Variants in TSEN34 observed in about 807,000 individuals in gnomAD.
TSEN34 encodes tRNA-splicing endonuclease subunit Sen34.
In TSEN34, 25 loss-of-function variants were observed where a neutral mutation model predicts 30.2. The observed-to-expected ratio is 0.83, with a 90% confidence interval of 0.60 to 1.16. TSEN34 has a LOEUF of 1.16. Among genes scored for constraint, TSEN34 ranks in the 50% most tolerant of loss-of-function variants. The pLI is 0.00. For synonymous variants in TSEN34, 209 were observed against 177.4 expected, an observed-to-expected ratio of 1.18 and a Z score of -1.41; for missense variants, 475 against 411.9, an observed-to-expected ratio of 1.15 and a Z score of -1.33.
In TSEN34 at chr19:54,193,557, A is replaced by G; in HGVS notation, c.*195A>G. 6 of 1,531,128 alleles carry G rather than the reference A, an allele frequency of 3.9e-6. No individual in the cohort carries two copies. Among genetic ancestry groups the G allele is most frequent in the Non-Finnish European group, 5.3e-6 (6 of 1,142,226 alleles). 94.8% of individuals were successfully genotyped at this position (1,531,128 alleles called of 1,614,324 possible). ...ACTTATTGGCTGTGTTTTTGTAGTT[A>G]CCTATTTTCACACTGTGAGCTTCCC... On this transcript the variant is annotated 3_prime_UTR_variant, in exon 4 of 4. Coordinates refer to ENST00000396388, the MANE Select transcript of TSEN34 (RefSeq NM_001077446.4).
intron 3 of TSEN34, 23 bp downstream of exon 3, chr19:54,192,396 G>A: frequency 6.2e-7 from 1 of 1,613,806 alleles, no homozygotes; most frequent in Non-Finnish European, 8.5e-7. Flanking sequence ...TGGGGCCTCT[G>A]GTTGCTGTGC....
Position 54,191,874 on chromosome 19 carries a change from G to C in TSEN34, c.397G>C (p.Ala133Pro), listed in dbSNP as rs767815202. The C allele has an allele frequency of 2.5e-5, 40 of 1,614,016 alleles. No individual in the cohort carries two copies. The Middle Eastern group carries it at 6.6e-4, about 27-fold the overall frequency. The part of the protein sequence containing the change: ...KKQKLEQASG[A>P]SSSQEAGSSQ... ...GCAGAAACTAGAACAGGCTTCAGGG[G>C]CCAGCTCAAGCCAGGAGGCCGGCTC... is the stretch of plus-strand genomic sequence containing the variant. Residue 133 changes from alanine (A) to proline (P), a missense_variant, in exon 2 of 4, where the codon GCC (alanine) becomes CCC (proline). Transcript: ENST00000396388.
Position 54,193,255 on chromosome 19 carries a change from G to C in TSEN34, c.826G>C (p.Ala276Pro). 2 of 1,614,108 alleles carry C rather than the reference G, an allele frequency of 1.2e-6. No homozygotes were observed. Among genetic ancestry groups the C allele is most frequent in the Non-Finnish European group, 1.7e-6 (2 of 1,180,020 alleles). ...EDTIPLQDLV[A>P]AGRLGTSVRK... ...CACCATCCCACTCCAAGACCTGGTTGCTGCTGGGCGCCTTGGAACCAGCGT... is the reference window on the plus strand; with the variant it reads ...CACCATCCCACTCCAAGACCTGGTTCCTGCTGGGCGCCTTGGAACCAGCGT... The change falls in exon 4 of 4, where the codon GCT becomes CCT. Residue 276 changes from alanine to proline, a missense_variant. By Grantham distance (27) the Ala-to-Pro change is conservative (BLOSUM62 -1). Coordinates refer to ENST00000396388, the MANE Select transcript of TSEN34 (RefSeq NM_001077446.4).
chr19:54,192,071 T>G, intron 2 of TSEN34, 45 bp from the exon 3 acceptor site: 3 of 1,614,006 alleles, frequency 1.9e-6, no homozygotes, highest in Non-Finnish European at 2.5e-6. Flanking sequence ...GTGAGAAGAC[T>G]TTACCCCTTG....
Position 54,191,612 on chromosome 19 carries a change from G to A in TSEN34, c.243+5G>A, listed in dbSNP as rs780172574. On this transcript the variant is annotated splice_donor_5th_base_variant and intron_variant, in intron 1 of 3. Coordinates refer to ENST00000396388, the MANE Select transcript of TSEN34 (RefSeq NM_001077446.4). ...GACTCTCGGCACCACAGCCTGGTAA[G>A]GGGGCGGGGCTCGAACTCGGGTTCG... 1 of 1,604,596 alleles carries A rather than the reference G, an allele frequency of 6.2e-7. No individual in the cohort carries two copies. The highest frequency in any genetic ancestry group is 8.5e-7 in the Non-Finnish European group (1 of 1,179,290).
In TSEN34 at chr19:54,191,894, C is replaced by T. The variant is rs1393344228; in HGVS notation, c.417C>T (p.Ala139=). 1 of 1,614,032 alleles carries T rather than the reference C, an allele frequency of 6.2e-7. No homozygotes were observed. Among genetic ancestry groups the T allele is most frequent in the East Asian group, 2.2e-5 (1 of 44,878 alleles). ...QASGASSSQE[A]GSSQAAKEDE... Reference sequence around the variant, plus strand: ...CAGGGGCCAGCTCAAGCCAGGAGGCCGGCTCGAGCCAGGCTGCCAAAGAGG... The same window carrying T: ...CAGGGGCCAGCTCAAGCCAGGAGGCTGGCTCGAGCCAGGCTGCCAAAGAGG... Residue 139 remains alanine, a synonymous_variant, in exon 2 of 4, where the codon GCC becomes GCT. Transcript: ENST00000396388.
chr19:54,190,756 C>T (rs946219809), upstream of TSEN34: 130 of 1,175,360 alleles, frequency 1.1e-4, no homozygotes, highest in African/African-American at 1.4e-3. Flanking sequence ...GCCGAACTTC[C>T]TGTGCTCGGG....
At position 54,193,372 on chromosome 19, in the gene TSEN34, A is replaced by G; in HGVS notation, c.*10A>G. The G allele has an allele frequency of 6.2e-7, 1 of 1,614,068 alleles. No homozygotes were observed. Among genetic ancestry groups the G allele is most frequent in the Non-Finnish European group, 8.5e-7 (1 of 1,180,006 alleles). ...GGCCAGCCTGCAGTGAACTCCAGAGACCTAGGGGATGTGGCTGTGTCGGCA... is the reference window on the plus strand; with the variant it reads ...GGCCAGCCTGCAGTGAACTCCAGAGGCCTAGGGGATGTGGCTGTGTCGGCA... On this transcript the variant is annotated 3_prime_UTR_variant, in exon 4 of 4. Transcript: ENST00000396388.
upstream of TSEN34, chr19:54,190,120 A>C (rs2076607416): frequency 3.7e-6 from 2 of 546,968 alleles, no homozygotes; most frequent in Admixed American, 3.6e-5. Flanking sequence ...CAGGATGACG[A>C]TCCTCAAGTT....
At chr19:54,190,914 C>T, upstream of TSEN34, 2 of 1,049,634 alleles carry the variant, frequency 1.9e-6, no homozygotes, top group Non-Finnish European at 2.3e-6. Flanking sequence ...AGCTTCTGAC[C>T]GCTGACGGGA....
At position 54,192,241 on chromosome 19, in the gene TSEN34, C is replaced by A. The variant is rs766971084; in HGVS notation, c.613C>A (p.Gln205Lys). Reference protein sequence around the residue: ...VKARPLDWRVQSKDWPHAGRP... With the variant: ...VKARPLDWRVKSKDWPHAGRP... ...GGCCAGGCCCCTGGACTGGCGTGTC[C>A]AGTCTAAAGACTGGCCCCACGCCGG... Residue 205 changes from glutamine (Q) to lysine (K), a missense_variant, in exon 3 of 4, where the codon CAG becomes AAG. Transcript: ENST00000396388. 1.2e-6 allele frequency: 2 copies of A among 1,613,958 alleles called. No individual in the cohort carries two copies. Among genetic ancestry groups the A allele is most frequent in the East Asian group, 2.2e-5 (1 of 44,874 alleles).
In TSEN34 at chr19:54,194,365, A is replaced by G. The variant is rs1314589262; in HGVS notation, c.*1003A>G. The G allele has an allele frequency of 6.6e-6, 1 of 151,920 alleles. No individual in the cohort carries two copies. Among genetic ancestry groups the G allele is most frequent in the East Asian group, 1.9e-4 (1 of 5,184 alleles). 9.4% of individuals were successfully genotyped at this position (151,920 alleles called of 1,614,324 possible). On this transcript the variant is annotated 3_prime_UTR_variant, in exon 4 of 4. Transcript: ENST00000396388. ...TGAATTTTTTTGATACTGTATATTT[A>G]TATTTTAGACTCTTTTTTGGATGTG...
chr19:54,193,465 G>A lies in TSEN34; in HGVS notation c.*103G>A, dbSNP rs1446186140. 2.6e-5 allele frequency: 41 copies of A among 1,569,250 alleles called. No homozygotes were observed. The highest frequency in any genetic ancestry group is 7.2e-5 in the East Asian group (3 of 41,860). ...CTAGAACATCCTCCTACCTTTCTCC[G>A]CGGTTAGTTTTTGATTCCAGGTTTT... is the stretch of plus-strand genomic sequence containing the variant. On this transcript the variant is annotated 3_prime_UTR_variant, in exon 4 of 4. Transcript: ENST00000396388.
chr19:54,190,046 C>A (rs2076604317), upstream of TSEN34: 2 of 532,478 alleles, frequency 3.8e-6, no homozygotes, highest in Non-Finnish European at 6.6e-6. Flanking sequence ...GGGGGCGGGG[C>A]GAAAGCGACT....
chr19:54,190,269 G>C, upstream of TSEN34: 1 of 1,193,532 alleles, frequency 8.4e-7, no homozygotes. Flanking sequence ...GGGGCGGGAT[G>C]ACGAAGTTGA....
chr19:54,191,163 C>T (rs1228628670), upstream of TSEN34: 4 of 1,363,342 alleles, frequency 2.9e-6, no homozygotes, highest in Non-Finnish European at 3.8e-6. Flanking sequence ...TCTCCGGCGG[C>T]CGCGAGGCCT....
At chr19:54,190,358 TTAC>T, upstream of TSEN34, 1 of 1,526,672 alleles carries the variant, frequency 6.6e-7, no homozygotes, top group Non-Finnish European at 8.8e-7. Context: ...CGACTGCGAA[TTAC>T]TGTTTATGAG....
chr19:54,191,547 C>T lies in TSEN34; in HGVS notation c.183C>T (p.Ala61=). The change falls in exon 1 of 4, where the codon GCC becomes GCT. Residue 61 remains alanine, a synonymous_variant. Transcript: ENST00000396388. ...LLMPEEARLL[A]EIGAVTLVSA... ...TGCCCGAAGAGGCGCGGCTCTTGGC[C>T]GAGATCGGCGCCGTGACTCTGGTCA... is the stretch of plus-strand genomic sequence containing the variant. The T allele has an allele frequency of 1.2e-6, 2 of 1,601,292 alleles. No homozygotes were observed. Among genetic ancestry groups the T allele is most frequent in the Non-Finnish European group, 1.7e-6 (2 of 1,179,308 alleles).
At chr19:54,192,405 G>T in intron 3 of TSEN34, 32 bp downstream of exon 3, 1 of 1,613,318 alleles carries the variant, frequency 6.2e-7, no homozygotes, top group Non-Finnish European at 8.5e-7. Context: ...TGGTTGCTGT[G>T]CCTTTCCATA....
Sources: gnomAD v4.1 joint callset for allele counts on GRCh38, gnomAD v4.1.1 for gene constraint, MANE v1.5 for transcripts, NCBI Gene and HGNC (gene_info 2026-07-23, HGNC 2026-07-21) for gene names.